The following SPOCK1 variants were observed in gnomAD, a reference collection of about 807,000 sequenced individuals.
The protein encoded by SPOCK1 is testican-1.
In SPOCK1, 23 loss-of-function variants were observed where a neutral mutation model predicts 55.3. The observed-to-expected ratio is 0.42, with a 90% CI of 0.30 to 0.59. The LOEUF (loss-of-function observed/expected upper bound fraction) is 0.59. Among genes scored for constraint, SPOCK1 ranks in the 20% least tolerant of loss-of-function variants. The pLI is 0.22. For synonymous variants in SPOCK1, 226 were observed against 221.0 expected (o/e 1.02, Z -0.20); for missense variants, 499 against 552.5 (o/e 0.90, Z 0.97).
At chr5:137,027,400 T>G (rs746957840) in intron 6 of SPOCK1, among the ~76,000 whole-genome samples, 1 of 152,216 alleles carries the variant, frequency 6.6e-6, no homozygotes, top group Non-Finnish European at 1.5e-5. Flanking sequence ...TGGCTTCTTT[T>G]GTAGAGCCAG....
At chr5:137,217,747 C>G (rs748576015) in intron 3 of SPOCK1, among the ~76,000 whole-genome samples, 17 of 152,222 alleles carry the variant, frequency 1.1e-4, no homozygotes, top group Non-Finnish European at 2.2e-4. Context: ...ACGCCTGACT[C>G]AGTCATAGCA....
chr5:137,212,336 C>G (rs778736680), intron 3 of SPOCK1, among the ~76,000 whole-genome samples: 1 of 151,818 alleles, frequency 6.6e-6, no homozygotes, highest in Non-Finnish European at 1.5e-5. Flanking sequence ...TTTTTTAATG[C>G]TTCAGACTAA....
At chr5:137,037,490 C>G (rs1408633819) in intron 6 of SPOCK1, among the ~76,000 whole-genome samples, 1 of 151,954 alleles carries the variant, frequency 6.6e-6, no homozygotes. Flanking sequence ...GCTCAACAAA[C>G]ACTGTTTGAA....
At chr5:137,057,740 T>C (rs756780585) in intron 6 of SPOCK1, among the ~76,000 whole-genome samples, 1 of 152,202 alleles carries the variant, frequency 6.6e-6, no homozygotes, top group Non-Finnish European at 1.5e-5. Context: ...GTCTGCTTTG[T>C]GGGGTGGAAG....
chr5:137,336,218 CT>C (rs1273866617), intron 2 of SPOCK1, among the ~76,000 whole-genome samples: 1 of 152,126 alleles, frequency 6.6e-6, no homozygotes, highest in Non-Finnish European at 1.5e-5. Context: ...GGCAAGTTTC[CT>C]TGATTGCCTC....
At chr5:137,414,524 G>A (rs1037343130) in intron 2 of SPOCK1, among the ~76,000 whole-genome samples, 1 of 152,180 alleles carries the variant, frequency 6.6e-6, no homozygotes, top group Non-Finnish European at 1.5e-5. Flanking sequence ...AAAGCCTGAA[G>A]AAACAGGAAT....
chr5:137,125,487 T>A (rs1753768058), intron 4 of SPOCK1, among the ~76,000 whole-genome samples: 1 of 152,140 alleles, frequency 6.6e-6, no homozygotes, highest in Admixed American at 6.5e-5. Context: ...GCAGGGGTAA[T>A]TAGGTCATTA....
intron 2 of SPOCK1, among the ~76,000 whole-genome samples, chr5:137,413,114 A>G (rs1163155465): frequency 1.3e-5 from 2 of 152,226 alleles, no homozygotes. Context: ...TATGAGGTAA[A>G]GGCCACTATT....
intron 2 of SPOCK1, among the ~76,000 whole-genome samples, chr5:137,365,722 G>A (rs757372420): frequency 2.0e-5 from 3 of 152,000 alleles, no homozygotes; most frequent in African/African-American, 2.4e-5. Flanking sequence ...TCACCAAGAC[G>A]GGCAAGAGCC....
At chr5:137,044,662 C>T (rs1436682194) in intron 6 of SPOCK1, among the ~76,000 whole-genome samples, 1 of 151,548 alleles carries the variant, frequency 6.6e-6, no homozygotes, top group South Asian at 2.1e-4. Flanking sequence ...TATTATTATA[C>T]TTTAAGTTTT....
chr5:136,992,667 T>C (rs1018357750), intron 6 of SPOCK1, 67 bp from the exon 7 acceptor site: 3 of 1,292,928 alleles, frequency 2.3e-6, no homozygotes, highest in Non-Finnish European at 3.3e-6. Flanking sequence ...GCAGGGCTAC[T>C]GGCAAAGCCA....
At chr5:137,073,912 G>A (rs990902598) in intron 5 of SPOCK1, among the ~76,000 whole-genome samples, 7 of 152,232 alleles carry the variant, frequency 4.6e-5, no homozygotes, top group Middle Eastern at 3.4e-3. Context: ...TAAAACAAAC[G>A]GCAGTCACCC....
chr5:137,011,558 G>C (rs1057446128), intron 6 of SPOCK1, among the ~76,000 whole-genome samples: 2 of 152,114 alleles, frequency 1.3e-5, no homozygotes, highest in Admixed American at 6.6e-5. Flanking sequence ...GTTCACAAAG[G>C]ATTGCAATGG....
At chr5:137,419,459 T>A (rs1752434237) in intron 2 of SPOCK1, among the ~76,000 whole-genome samples, 2 of 152,264 alleles carry the variant, frequency 1.3e-5, no homozygotes, top group Admixed American at 6.5e-5. Context: ...CATTTGCTTG[T>A]ATCCTCTTTT....
intron 2 of SPOCK1, among the ~76,000 whole-genome samples, chr5:137,326,182 C>T (rs1758073668): frequency 6.6e-6 from 1 of 152,094 alleles, no homozygotes; most frequent in Admixed American, 6.5e-5. Context: ...TTCAGTACTC[C>T]CCGTACCATA....
At chr5:137,466,095 C>T (rs1753614890) in intron 2 of SPOCK1, among the ~76,000 whole-genome samples, 1 of 152,224 alleles carries the variant, frequency 6.6e-6, no homozygotes, top group Non-Finnish European at 1.5e-5. Flanking sequence ...AAATCAGAGT[C>T]ATGTGGTTAA....
rs775306966 is a variant in SPOCK1 at position 136,979,365 on chromosome 5, C to A, written c.1096G>T (p.Ala366Ser). 6.2e-6 allele frequency: 10 copies of A among 1,613,998 alleles called. No individual in the cohort carries two copies. The African/African-American group carries it at 1.3e-4, about 22-fold the overall frequency. Residue 366 changes from alanine to serine, a missense_variant, in exon 10 of 11, where the codon GCT (alanine) becomes TCT (serine). Coordinates refer to ENST00000394945, the MANE Select transcript of SPOCK1 (RefSeq NM_004598.4). ...WCVDKYGNEL[A>S]GSRKQGAVSC... Reference sequence around the variant, plus strand: ...ACAGCACCCTGTTTCCTGGAGCCAGCCAACTCATTCCCATATTTGTCCACA... The same window carrying A: ...ACAGCACCCTGTTTCCTGGAGCCAGACAACTCATTCCCATATTTGTCCACA...
chr5:137,194,703 C>T (rs1016530078), intron 3 of SPOCK1, among the ~76,000 whole-genome samples: 12 of 152,234 alleles, frequency 7.9e-5, no homozygotes, highest in Admixed American at 6.5e-4. Flanking sequence ...CACCTGATTT[C>T]CTTCTAGGAG....
chr5:137,137,564 G>C (rs1237355683), intron 4 of SPOCK1, among the ~76,000 whole-genome samples: 1 of 152,196 alleles, frequency 6.6e-6, no homozygotes, highest in Admixed American at 6.5e-5. Flanking sequence ...CTTGATAAAG[G>C]AGTGGGCACA....
Sources: allele counts gnomAD v4.1 joint callset (sites outside exome capture counted in the v4.1 genomes callset), GRCh38; gene constraint gnomAD v4.1.1; transcripts MANE v1.5; gene names NCBI Gene and HGNC (gene_info 2026-07-23, HGNC 2026-07-21).